ERBB4: variants seen among roughly 807,000 people sequenced by gnomAD.
ERBB4 encodes erb-b2 receptor tyrosine kinase 4.
ERBB4 carries 42 observed loss-of-function variants against 158.0 expected under a neutral mutation model. The ratio of observed to expected loss-of-function variants is 0.27; its 90% CI spans 0.21 to 0.34. ERBB4 has a LOEUF of 0.34. ERBB4 is among the 10% of genes least tolerant of loss of function. The pLI, the probability that ERBB4 is intolerant of heterozygous loss-of-function variation, is 1.00. For synonymous variants in ERBB4, 583 were observed against 558.7 expected, an observed-to-expected ratio of 1.04 and a Z score of -0.61; for missense variants, 1,333 against 1,624.1, an observed-to-expected ratio of 0.82 and a Z score of 3.08.
chr2:211,972,903 A>C (rs2081494653), intron 2 of ERBB4, among the ~76,000 whole-genome samples: 1 of 152,200 alleles, frequency 6.6e-6, no homozygotes, highest in Admixed American at 6.5e-5. Context: ...AACATTGCTA[A>C]ATGGGATATA....
At chr2:212,057,174 A>G (rs944803908) in intron 2 of ERBB4, among the ~76,000 whole-genome samples, 23 of 152,372 alleles carry the variant, frequency 1.5e-4, no homozygotes, top group African/African-American at 4.8e-4. Context: ...AGATCGAAAG[A>G]GACAAAGAAG....
chr2:212,192,491 T>G (rs993592804), intron 1 of ERBB4, among the ~76,000 whole-genome samples: 1 of 152,118 alleles, frequency 6.6e-6, no homozygotes, highest in African/African-American at 2.4e-5. Flanking sequence ...TCCATGTACA[T>G]TTTGTTCATT....
rs1559585758 is a variant in ERBB4 at position 211,861,096 on chromosome 2, ATACATTATATATATTTATATATATATTTT to A, written c.422-72966_422-72938del. On this transcript the variant is annotated intron_variant, in intron 3 of 27. Coordinates refer to ENST00000342788, the MANE Select transcript of ERBB4 (RefSeq NM_005235.3). ...TATTTATATATTATAAAATATATAA[ATACATTATATATATTTATATATATATTTT>A]ATATATATATATATATATATATATA... is the stretch of plus-strand genomic sequence containing the variant. Among the ~76,000 whole-genome samples the A allele has an allele frequency of 7.6e-3, 260 of 34,178 alleles. 5 individuals carry two copies. Among genetic ancestry groups the A allele is most frequent in the South Asian group, 0.023 (20 of 874 alleles). 22.4% of individuals were successfully genotyped at this position (34,178 alleles called of 152,430 possible). A position where few individuals can be genotyped will look rare whatever the true frequency, so the allele number is the denominator to read the frequency against.
At chr2:211,974,718 T>C (rs1486702397) in intron 2 of ERBB4, among the ~76,000 whole-genome samples, 1 of 152,170 alleles carries the variant, frequency 6.6e-6, no homozygotes, top group East Asian at 1.9e-4. Context: ...TCTAAGATTG[T>C]TCCACTGCAG....
At chr2:212,496,441 G>C (rs1690577015) in intron 1 of ERBB4, among the ~76,000 whole-genome samples, 1 of 151,960 alleles carries the variant, frequency 6.6e-6, no homozygotes, top group Admixed American at 6.6e-5. Context: ...TTGCTAATTG[G>C]ACAAAGTATT....
intron 19 of ERBB4, among the ~76,000 whole-genome samples, chr2:211,586,658 G>A (rs1221281597): frequency 6.6e-6 from 1 of 152,104 alleles, no homozygotes; most frequent in Non-Finnish European, 1.5e-5. Flanking sequence ...AGGGATTCCT[G>A]GAGGATTGTT....
At chr2:212,020,873 A>G (rs2076633674) in intron 2 of ERBB4, among the ~76,000 whole-genome samples, 1 of 152,104 alleles carries the variant, frequency 6.6e-6, no homozygotes, top group South Asian at 2.1e-4. Flanking sequence ...TATGTCACTT[A>G]TTACTAAACA....
At chr2:211,817,814 T>C (rs2076910327) in intron 3 of ERBB4, among the ~76,000 whole-genome samples, 1 of 152,108 alleles carries the variant, frequency 6.6e-6, no homozygotes, top group Admixed American at 6.5e-5. Flanking sequence ...TTGAAAACCA[T>C]CTTCAATTGT....
intron 2 of ERBB4, among the ~76,000 whole-genome samples, chr2:212,037,869 G>T (rs1008802871): frequency 2.0e-5 from 3 of 152,200 alleles, no homozygotes; most frequent in Admixed American, 2.0e-4. Context: ...ATGGACACCG[G>T]GGAATGAGAG....
intron 1 of ERBB4, among the ~76,000 whole-genome samples, chr2:212,340,322 C>T (rs1050966080): frequency 1.5e-4 from 23 of 152,094 alleles, no homozygotes; most frequent in Non-Finnish European, 3.1e-4. Context: ...AATTTTTCCA[C>T]AGACAGAATA....
At chr2:212,003,423 C>A (rs1443785192) in intron 2 of ERBB4, among the ~76,000 whole-genome samples, 1 of 149,908 alleles carries the variant, frequency 6.7e-6, no homozygotes, top group East Asian at 2.0e-4. Flanking sequence ...GTAAATAGAA[C>A]AACATGAACA....
At chr2:211,438,966 A>AGAT (rs2063914842) in intron 20 of ERBB4, among the ~76,000 whole-genome samples, 2 of 150,410 alleles carry the variant, frequency 1.3e-5, no homozygotes, top group African/African-American at 5.0e-5. Context: ...TATTTTTCAC[A>AGAT]GATAGTCCCA....
intron 1 of ERBB4, among the ~76,000 whole-genome samples, chr2:212,216,490 T>C (rs1421840834): frequency 6.6e-6 from 1 of 151,376 alleles, no homozygotes; most frequent in Non-Finnish European, 1.5e-5. Context: ...TTTTATCTTG[T>C]AGTTCATTCA....
At chr2:212,188,187 T>G (rs2082072800) in intron 1 of ERBB4, among the ~76,000 whole-genome samples, 1 of 9,690 alleles carries the variant, frequency 1.0e-4, no homozygotes. Context: ...CCTTCAGGTC[T>G]CTCTCTCTCT....
chr2:212,477,235 G>C (rs993280623), intron 1 of ERBB4, among the ~76,000 whole-genome samples: 1 of 152,058 alleles, frequency 6.6e-6, no homozygotes, highest in Admixed American at 6.6e-5. Flanking sequence ...AAAACTCAAA[G>C]ATTAAAGAGT....
chr2:211,393,177 T>C (rs2125333899), intron 25 of ERBB4, among the ~76,000 whole-genome samples: 1 of 152,320 alleles, frequency 6.6e-6, no homozygotes, highest in African/African-American at 2.4e-5. Flanking sequence ...TCTACTTTTA[T>C]TGTGTTTCAT....
At chr2:211,931,936 A>C (rs1048625297) in intron 3 of ERBB4, among the ~76,000 whole-genome samples, 1 of 152,114 alleles carries the variant, frequency 6.6e-6, no homozygotes, top group African/African-American at 2.4e-5. Flanking sequence ...GGCAGTTTGC[A>C]TACATTGTTT....
At chr2:212,409,357 G>A (rs1056158264) in intron 1 of ERBB4, among the ~76,000 whole-genome samples, 6 of 152,038 alleles carry the variant, frequency 3.9e-5, no homozygotes, top group African/African-American at 1.2e-4. Flanking sequence ...ATGGAGATGT[G>A]GAGATTTTAT....
intron 3 of ERBB4, among the ~76,000 whole-genome samples, chr2:211,810,694 C>G (rs1449524225): frequency 1.8e-5 from 2 of 114,116 alleles, no homozygotes; most frequent in African/African-American, 6.7e-5. Flanking sequence ...GAGACGGAGT[C>G]TCGCTCTGTC....
Sources: allele counts gnomAD v4.1 joint callset (sites outside exome capture counted in the v4.1 genomes callset), GRCh38; gene constraint gnomAD v4.1.1; transcripts MANE v1.5; gene names NCBI Gene and HGNC (gene_info 2026-07-23, HGNC 2026-07-21).